Variants in NOS1AP observed in about 807,000 individuals in gnomAD.
NOS1AP encodes the protein nitric oxide synthase 1 adaptor protein, also known as carboxyl-terminal PDZ ligand of neuronal nitric oxide synthase protein.
A neutral mutation model predicts 56.2 loss-of-function variants in NOS1AP; 21 were observed. The ratio of observed to expected loss-of-function variants is 0.37; its 90% CI spans 0.26 to 0.54. The LOEUF is 0.54. NOS1AP is among the 20% of genes least tolerant of loss of function. NOS1AP has a pLI of 0.84. For missense variants in NOS1AP, 522 were observed against 657.8 expected (o/e 0.79, Z 2.26); for synonymous variants, 270 against 274.6 (o/e 0.98, Z 0.17).
At chr1:162,142,490 CTG>C (rs944546770) in intron 1 of NOS1AP, among the ~76,000 whole-genome samples, 1 of 151,672 alleles carries the variant, frequency 6.6e-6, no homozygotes, top group African/African-American at 2.4e-5. Context: ...TTTTTTTTGT[CTG>C]TTGAGATGAA....
chr1:162,079,709 T>C (rs924116258), intron 1 of NOS1AP, among the ~76,000 whole-genome samples: 1 of 152,226 alleles, frequency 6.6e-6, no homozygotes, highest in Non-Finnish European at 1.5e-5. Flanking sequence ...TTTTTATTAT[T>C]GTTATTAAGT....
intron 3 of NOS1AP, among the ~76,000 whole-genome samples, chr1:162,289,278 T>TTCC (rs1655205232): frequency 4.0e-5 from 1 of 24,936 alleles, no homozygotes. Flanking sequence ...CCTTCCTTCC[T>TTCC]TTCCTTCCTT....
intron 1 of NOS1AP, among the ~76,000 whole-genome samples, chr1:162,114,381 A>G (rs953387171): frequency 6.6e-6 from 1 of 152,198 alleles, no homozygotes; most frequent in Non-Finnish European, 1.5e-5. Flanking sequence ...GTCCAGAGGC[A>G]GAGTTTCTTT....
At position 162,368,765 on chromosome 1, in the gene NOS1AP, G is replaced by GA. The variant is rs1398894295; in HGVS notation, c.*1299dup. 6.6e-6 allele frequency: 1 copy of GA among 152,234 alleles called. No individual in the cohort carries two copies. The highest frequency in any genetic ancestry group is 2.4e-5 in the African/African-American group (1 of 41,464). The allele number at this position is 152,234 out of a possible 1,614,324, so 9.4% of individuals were successfully genotyped here. A position where few individuals can be genotyped will look rare whatever the true frequency, so the allele number is the denominator to read the frequency against. On this transcript the variant is annotated 3_prime_UTR_variant, in exon 10 of 10. Coordinates refer to ENST00000361897, the MANE Select transcript of NOS1AP (RefSeq NM_014697.3). ...TAACAGATTTTCAAATGCCTGAAGA[G>GA]ATTGCTGAGACCTGCTAGAGTCATA...
intron 2 of NOS1AP, among the ~76,000 whole-genome samples, chr1:162,230,599 C>A (rs1653091292): frequency 6.6e-6 from 1 of 152,164 alleles, no homozygotes; most frequent in African/African-American, 2.4e-5. Context: ...AACTTCGAAA[C>A]TTTTTCATCT....
At position 162,343,921 on chromosome 1, in the gene NOS1AP, A is replaced by C. The variant is rs774395303; in HGVS notation, c.540A>C (p.Ala180=). ...GCCTGCAGCACACGCAGCAGAATGC[A>C]GATGGCCAGGAAGATGGAGAGAGCG... ...KLSLQHTQQN[A]DGQEDGESER... The change falls in exon 6 of 10, where the codon GCA becomes GCC. Residue 180 remains alanine, a synonymous_variant. Transcript: ENST00000361897. 1.2e-6 allele frequency: 2 copies of C among 1,614,150 alleles called. No homozygotes were observed.
intron 2 of NOS1AP, among the ~76,000 whole-genome samples, chr1:162,263,663 C>A (rs1654309894): frequency 6.6e-6 from 1 of 152,194 alleles, no homozygotes; most frequent in South Asian, 2.1e-4. Context: ...ACATTCACAA[C>A]TATACACAGA....
At chr1:162,301,188 C>T (rs1304623388) in intron 4 of NOS1AP, among the ~76,000 whole-genome samples, 1 of 152,092 alleles carries the variant, frequency 6.6e-6, no homozygotes, top group African/African-American at 2.4e-5. Flanking sequence ...TTTTGTCTCC[C>T]CAAAATTTGT....
At chr1:162,216,228 T>G (rs1333333412) in intron 2 of NOS1AP, among the ~76,000 whole-genome samples, 1 of 152,208 alleles carries the variant, frequency 6.6e-6, no homozygotes, top group Non-Finnish European at 1.5e-5. Context: ...TACTCTTACT[T>G]CTGCCAGGGA....
Position 162,069,864 on chromosome 1 carries a change from A to AC in NOS1AP, c.-312dup, listed in dbSNP as rs1240443297. On this transcript the variant is annotated 5_prime_UTR_variant, in exon 1 of 10. Transcript: ENST00000361897. Reference sequence around the variant, plus strand: ...AGTCCCGCTTCGGGCCGCAAGCCCCACCGCTCCCCTCCCCGGGCAGGGGCG... The same window carrying AC: ...AGTCCCGCTTCGGGCCGCAAGCCCCACCCGCTCCCCTCCCCGGGCAGGGGCG... 2.7e-4 allele frequency: 44 copies of AC among 160,884 alleles called. No individual in the cohort carries two copies. The highest frequency in any genetic ancestry group is 5.8e-4 in the Non-Finnish European group (43 of 74,464). 10.0% of individuals were successfully genotyped at this position (160,884 alleles called of 1,614,324 possible).
rs183166289 is a variant in NOS1AP, at chr1:162,129,666, A to G, written c.106-24739A>G. 1.3e-3 allele frequency among the ~76,000 whole-genome samples: 192 copies of G among 152,264 alleles called. 1 individual carries two copies. The highest frequency in any genetic ancestry group is 2.2e-3 in the Admixed American group (34 of 15,286). On this transcript the variant is annotated intron_variant, in intron 1 of 9. Transcript: ENST00000361897. ...TGATTCTGTTTTATTAAACTGCTCT[A>G]TCTCTTGGTAAGCCTGGTGTTGGGT...
Position 162,070,275 on chromosome 1 carries a change from A to G in NOS1AP, c.98A>G (p.Glu33Gly). 1 of 1,612,984 alleles carries G rather than the reference A, an allele frequency of 6.2e-7. No homozygotes were observed. The change falls in exon 1 of 10, where the codon GAG becomes GGG. Residue 33 changes from glutamate (E) to glycine (G), a missense_variant. Physicochemically the swap from Glu to Gly is moderately conservative, Grantham distance 98. Transcript: ENST00000361897. Reference sequence around the variant, plus strand: ...GCCTTCCAGCACGGCATCTGCTTTGAGGCCAAGGTGAGGGGGCTCCGGGGA... The same window carrying G: ...GCCTTCCAGCACGGCATCTGCTTTGGGGCCAAGGTGAGGGGGCTCCGGGGA... ...EDAFQHGICF[E>G]AKYVGSLDVP... is the part of the protein sequence containing the mutation.
At chr1:162,351,175 T>C (rs764011713) in intron 6 of NOS1AP, among the ~76,000 whole-genome samples, 2 of 152,202 alleles carry the variant, frequency 1.3e-5, no homozygotes, top group Non-Finnish European at 2.9e-5. Context: ...GCATTTCAGA[T>C]AGAGATACTC....
intron 2 of NOS1AP, among the ~76,000 whole-genome samples, chr1:162,185,063 G>A (rs1651382299): frequency 6.6e-6 from 1 of 152,156 alleles, no homozygotes; most frequent in Non-Finnish European, 1.5e-5. Flanking sequence ...GAGGCTGCTG[G>A]TATTCCCCAG....
chr1:162,283,284 C>T (rs539068479), intron 2 of NOS1AP, among the ~76,000 whole-genome samples: 1 of 152,112 alleles, frequency 6.6e-6, no homozygotes, highest in South Asian at 2.1e-4. Context: ...ATGGCCCCAG[C>T]CCTTCCCCTG....
intron 4 of NOS1AP, among the ~76,000 whole-genome samples, chr1:162,320,722 C>A (rs1022527679): frequency 7.9e-5 from 12 of 152,142 alleles, no homozygotes; most frequent in African/African-American, 2.9e-4. Context: ...AGCGTGGTGG[C>A]GCGCGCCTGT....
At chr1:162,281,864 T>G (rs1365758626) in intron 2 of NOS1AP, among the ~76,000 whole-genome samples, 1 of 152,206 alleles carries the variant, frequency 6.6e-6, no homozygotes, top group Non-Finnish European at 1.5e-5. Flanking sequence ...CTCACGCCTG[T>G]AATCCAAGCA....
intron 2 of NOS1AP, among the ~76,000 whole-genome samples, chr1:162,172,946 G>T (rs1374719672): frequency 6.7e-6 from 1 of 149,304 alleles, no homozygotes; most frequent in African/African-American, 2.5e-5. Flanking sequence ...TTTTGTGATG[G>T]GGTCTCAGTC....
chr1:162,166,627 C>T (rs756206365), intron 2 of NOS1AP, among the ~76,000 whole-genome samples: 72 of 152,220 alleles, frequency 4.7e-4, no homozygotes, highest in Non-Finnish European at 1.0e-4. Flanking sequence ...TTTCTGCATG[C>T]ATCACAGTGT....
Sources: allele counts gnomAD v4.1 joint callset (sites outside exome capture counted in the v4.1 genomes callset), GRCh38; gene constraint gnomAD v4.1.1; transcripts MANE v1.5; gene names NCBI Gene and HGNC (gene_info 2026-07-23, HGNC 2026-07-21).